Variants in KSR2 observed in about 807,000 individuals in gnomAD.
The protein encoded by KSR2 is kinase suppressor of ras 2.
A neutral mutation model predicts 107.8 loss-of-function variants in KSR2; 25 were observed. The ratio of observed to expected loss-of-function variants is 0.23; its 90% CI spans 0.17 to 0.32. The LOEUF is 0.32. Among genes scored for constraint, KSR2 ranks in the 10% least tolerant of loss-of-function variants. The probability of loss-of-function intolerance (pLI) is 1.00; values close to 1 mark genes in which losing one functional copy is unlikely to be tolerated. For missense variants in KSR2, 887 were observed against 1,268.9 expected, an observed-to-expected ratio of 0.70 and a Z score of 4.57; for synonymous variants, 480 against 507.0, an observed-to-expected ratio of 0.95 and a Z score of 0.71.
At chr12:117,752,851 C>T (rs1434102590) in intron 4 of KSR2, among the ~76,000 whole-genome samples, 2 of 152,190 alleles carry the variant, frequency 1.3e-5, no homozygotes, top group South Asian at 4.1e-4. Context: ...GTATTGTGGG[C>T]AGACCTAAAT....
At chr12:117,726,965 T>C (rs187554810) in intron 4 of KSR2, among the ~76,000 whole-genome samples, 18 of 152,210 alleles carry the variant, frequency 1.2e-4, no homozygotes, top group Admixed American at 1.0e-3. Flanking sequence ...TACGTTGAAG[T>C]CTTAACCCCC....
intron 1 of KSR2, among the ~76,000 whole-genome samples, chr12:117,932,533 C>G (rs1209629738): frequency 1.3e-5 from 2 of 151,878 alleles, no homozygotes; most frequent in African/African-American, 4.8e-5. Context: ...CTGGGCAATA[C>G]AGCAAAACCC....
intron 3 of KSR2, among the ~76,000 whole-genome samples, chr12:117,813,351 C>A (rs911559134): frequency 6.6e-6 from 1 of 152,094 alleles, no homozygotes. Context: ...AAGAGACAAC[C>A]TACGGAATGG....
chr12:117,513,678 AG>A lies in KSR2; in HGVS notation c.2219+11173del, dbSNP rs1874178317. ...GGGACCCAGCAGTGGGGAGTTCTTA[AG>A]GTGTCCGTGGGACATAAGAAAGTGG... On this transcript the variant is annotated intron_variant, in intron 14 of 19. Coordinates refer to ENST00000339824, the MANE Select transcript of KSR2 (RefSeq NM_173598.6). Among the ~76,000 whole-genome samples, 2 of 152,216 alleles carry A rather than the reference AG, an allele frequency of 1.3e-5. 1 individual carries two copies. The highest frequency in any genetic ancestry group is 4.8e-5 in the African/African-American group (2 of 41,460).
At chr12:117,808,228 C>A (rs1891075423) in intron 3 of KSR2, among the ~76,000 whole-genome samples, 1 of 152,122 alleles carries the variant, frequency 6.6e-6, no homozygotes, top group South Asian at 2.1e-4. Context: ...TGTCCAGGGG[C>A]CCCTTGGACC....
chr12:117,517,963 T>C (rs1874485947), intron 14 of KSR2: 1 of 433,078 alleles, frequency 2.3e-6, no homozygotes. Flanking sequence ...ATCTGTCAAA[T>C]ATAGCAGCTT....
intron 7 of KSR2, among the ~76,000 whole-genome samples, chr12:117,563,923 G>C (rs1878288881): frequency 6.6e-6 from 1 of 152,096 alleles, no homozygotes; most frequent in Non-Finnish European, 1.5e-5. Flanking sequence ...GGTGTGGCCT[G>C]GGATCACCTC....
intron 3 of KSR2, among the ~76,000 whole-genome samples, chr12:117,846,653 T>C (rs570424695): frequency 2.2e-4 from 34 of 152,336 alleles, no homozygotes; most frequent in African/African-American, 8.2e-4. Context: ...AGAGCAGCAC[T>C]GTCCACTAGA....
intron 5 of KSR2, among the ~76,000 whole-genome samples, chr12:117,605,695 T>C (rs1338879633): frequency 6.6e-6 from 1 of 152,216 alleles, no homozygotes; most frequent in African/African-American, 2.4e-5. Flanking sequence ...GCAGCACTAT[T>C]CACAATAGCA....
intron 3 of KSR2, among the ~76,000 whole-genome samples, chr12:117,767,446 A>G (rs1889279887): frequency 6.7e-6 from 1 of 148,778 alleles, no homozygotes; most frequent in Non-Finnish European, 1.5e-5. Context: ...TCAAAAGGAA[A>G]AAAAAGAGAC....
chr12:117,838,901 G>T (rs1892350910), intron 3 of KSR2, among the ~76,000 whole-genome samples: 1 of 152,172 alleles, frequency 6.6e-6, no homozygotes, highest in Non-Finnish European at 1.5e-5. Flanking sequence ...AGGTTTTGTG[G>T]GCCATACGGT....
intron 3 of KSR2, among the ~76,000 whole-genome samples, chr12:117,811,139 T>C (rs114990827): frequency 0.012 from 1,870 of 152,150 alleles, 37 homozygotes; most frequent in African/African-American, 0.043. Flanking sequence ...AATAGAAAGT[T>C]CTTGCTTTAA....
rs1327559200 is a variant in KSR2, at chr12:117,456,105, G to C, written c.*11094C>G. On this transcript the variant is annotated 3_prime_UTR_variant, in exon 20 of 20. Transcript: ENST00000339824. Reference sequence around the variant, plus strand: ...TCTATGATATTCCTTGATAGGTTAGGACCGCAGAGGCCCTCAGGAGGAGAT... The same window carrying C: ...TCTATGATATTCCTTGATAGGTTAGCACCGCAGAGGCCCTCAGGAGGAGAT... 1 of 152,246 alleles carries C rather than the reference G, an allele frequency of 6.6e-6. No homozygotes were observed. Among genetic ancestry groups the C allele is most frequent in the Non-Finnish European group, 1.5e-5 (1 of 68,078 alleles). 9.4% of individuals were successfully genotyped at this position (152,246 alleles called of 1,614,324 possible).
chr12:117,473,804 T>G (rs1871617853), intron 17 of KSR2, among the ~76,000 whole-genome samples: 1 of 152,132 alleles, frequency 6.6e-6, no homozygotes, highest in Non-Finnish European at 1.5e-5. Flanking sequence ...AAGCTCCAAC[T>G]CTAGAGTACA....
chr12:117,925,516 G>A (rs1566084473), intron 1 of KSR2, among the ~76,000 whole-genome samples: 1 of 152,164 alleles, frequency 6.6e-6, no homozygotes, highest in Non-Finnish European at 1.5e-5. Flanking sequence ...GATCATTAAT[G>A]CTGACAGTTT....
rs759829513 is a variant in KSR2 at position 117,460,818 on chromosome 12, C to T, written c.*6381G>A. On this transcript the variant is annotated 3_prime_UTR_variant, in exon 20 of 20. Transcript: ENST00000339824. The stretch of plus-strand genomic sequence containing the variant: ...CTGTACCACAGTTGCCCCATTGGAA[C>T]GAGAATAAGACTACTGATCTCCCCA... 1.4e-4 allele frequency: 22 copies of T among 152,118 alleles called. No homozygotes were observed. Among genetic ancestry groups the T allele is most frequent in the Admixed American group, 3.3e-4 (5 of 15,274 alleles). 9.4% of individuals were successfully genotyped at this position (152,118 alleles called of 1,614,324 possible).
chr12:117,853,830 G>A (rs901796567), intron 3 of KSR2, among the ~76,000 whole-genome samples: 8 of 152,068 alleles, frequency 5.3e-5, no homozygotes, highest in African/African-American at 9.7e-5. Flanking sequence ...TTTACAGCTC[G>A]TCAGCCAGGA....
intron 5 of KSR2, among the ~76,000 whole-genome samples, chr12:117,638,058 A>C (rs1014592634): frequency 2.6e-5 from 4 of 152,232 alleles, no homozygotes; most frequent in Non-Finnish European, 5.9e-5. Flanking sequence ...ACTGAAGTAC[A>C]TCACTAATTT....
At chr12:117,634,740 C>G (rs942613917) in intron 5 of KSR2, among the ~76,000 whole-genome samples, 2 of 152,176 alleles carry the variant, frequency 1.3e-5, no homozygotes, top group Admixed American at 1.3e-4. Flanking sequence ...CCTGAGAAAT[C>G]TGAAATCAAC....
Sources: allele counts gnomAD v4.1 joint callset (sites outside exome capture counted in the v4.1 genomes callset), GRCh38; gene constraint gnomAD v4.1.1; transcripts MANE v1.5; gene names NCBI Gene and HGNC (gene_info 2026-07-23, HGNC 2026-07-21).